The following TRIO variants were observed in gnomAD, a reference collection of about 807,000 sequenced individuals.
TRIO encodes trio Rho guanine nucleotide exchange factor.
In TRIO, 58 loss-of-function variants were observed where a neutral mutation model predicts 351.9. The observed-to-expected ratio is 0.16, with a 90% CI of 0.13 to 0.21. The LOEUF is 0.21. TRIO is among the 10% of genes least tolerant of loss of function. TRIO has a pLI of 1.00. For synonymous variants in TRIO, 1,758 were observed against 1,595.7 expected, an observed-to-expected ratio of 1.10 and a Z score of -2.42; for missense variants, 3,201 against 4,027.8, an observed-to-expected ratio of 0.79 and a Z score of 5.56.
At chr5:14,464,118 A>G (rs1162002167) in intron 36 of TRIO, among the ~76,000 whole-genome samples, 1 of 152,154 alleles carries the variant, frequency 6.6e-6, no homozygotes, top group Non-Finnish European at 1.5e-5. Context: ...AGAGGACCAC[A>G]GCCCCCTACC....
intron 31 of TRIO, among the ~76,000 whole-genome samples, 157 bp from the exon 32 acceptor site, chr5:14,405,691 T>C (rs1002000679): frequency 3.3e-5 from 5 of 152,164 alleles, no homozygotes; most frequent in African/African-American, 1.2e-4. Flanking sequence ...AATAGTCATT[T>C]ATTTGGTAGC....
intron 29 of TRIO, among the ~76,000 whole-genome samples, chr5:14,398,122 G>A (rs1747768656): frequency 6.6e-6 from 1 of 152,178 alleles, no homozygotes; most frequent in African/African-American, 2.4e-5. Flanking sequence ...GGGATGGAGT[G>A]CTTATTTTGA....
chr5:14,189,809 C>T (rs1439331606), intron 1 of TRIO, among the ~76,000 whole-genome samples: 2 of 151,810 alleles, frequency 1.3e-5, no homozygotes, highest in Non-Finnish European at 2.9e-5. Context: ...TAACTTACTG[C>T]AGCCTTTGCA....
intron 53 of TRIO, among the ~76,000 whole-genome samples, chr5:14,500,584 C>A (rs888212270): frequency 6.6e-6 from 1 of 152,024 alleles, no homozygotes; most frequent in Non-Finnish European, 1.5e-5. Flanking sequence ...CAGCCAGGGC[C>A]GAGGCTTCTG....
At chr5:14,475,111 A>G (rs1229274408) in intron 40 of TRIO, among the ~76,000 whole-genome samples, 1 of 152,246 alleles carries the variant, frequency 6.6e-6, no homozygotes, top group Non-Finnish European at 1.5e-5. Context: ...CTTGGCTACC[A>G]GAGCTTGTCA....
At chr5:14,222,709 A>C (rs1234398162) in intron 1 of TRIO, among the ~76,000 whole-genome samples, 1 of 152,218 alleles carries the variant, frequency 6.6e-6, no homozygotes. Flanking sequence ...TAAGAAATAC[A>C]TGTGAAGTTT....
chr5:14,483,909 C>T (rs938087234), intron 46 of TRIO, among the ~76,000 whole-genome samples: 1 of 152,118 alleles, frequency 6.6e-6, no homozygotes, highest in Non-Finnish European at 1.5e-5. Flanking sequence ...GAACTGTGCA[C>T]CCATGCCCTG....
At chr5:14,397,941 G>C (rs1747751007) in intron 29 of TRIO, among the ~76,000 whole-genome samples, 1 of 152,146 alleles carries the variant, frequency 6.6e-6, no homozygotes. Flanking sequence ...TTTCTGGCTG[G>C]CTAGGTCCAG....
At chr5:14,166,123 G>A (rs903504923) in intron 1 of TRIO, among the ~76,000 whole-genome samples, 1 of 152,216 alleles carries the variant, frequency 6.6e-6, no homozygotes, top group South Asian at 2.1e-4. Context: ...TTGTGGGGCA[G>A]GAATTTAGGG....
intron 34 of TRIO, among the ~76,000 whole-genome samples, chr5:14,445,438 G>A (rs1438795105): frequency 2.0e-5 from 3 of 152,160 alleles, no homozygotes; most frequent in Non-Finnish European, 4.4e-5. Context: ...CACTAATCAC[G>A]TTGGACACAT....
chr5:14,170,495 G>A (rs1303491409), intron 1 of TRIO, among the ~76,000 whole-genome samples: 4 of 145,024 alleles, frequency 2.8e-5, no homozygotes, highest in Non-Finnish European at 5.9e-5. Flanking sequence ...CACTAAAAGT[G>A]AAGCTTCTCT....
intron 11 of TRIO, among the ~76,000 whole-genome samples, chr5:14,344,056 C>T (rs917098960): frequency 6.6e-6 from 1 of 152,242 alleles, no homozygotes; most frequent in Non-Finnish European, 1.5e-5. Flanking sequence ...TAGCTGCGCT[C>T]TTTAGTGCAT....
At chr5:14,275,701 A>G (rs1010757687) in intron 2 of TRIO, among the ~76,000 whole-genome samples, 2 of 150,658 alleles carry the variant, frequency 1.3e-5, no homozygotes, top group Non-Finnish European at 3.0e-5. Flanking sequence ...CTCATTTTCT[A>G]TCTTTGCTTG....
intron 37 of TRIO, among the ~76,000 whole-genome samples, chr5:14,471,050 G>A (rs911781156): frequency 1.3e-5 from 2 of 152,184 alleles, no homozygotes; most frequent in African/African-American, 4.8e-5. Context: ...ATTTCTACTT[G>A]TTTGATAACA....
chr5:14,363,515 C>G (rs1422464822), intron 13 of TRIO, among the ~76,000 whole-genome samples: 2 of 152,058 alleles, frequency 1.3e-5, no homozygotes, highest in African/African-American at 2.4e-5. Flanking sequence ...TTGGGAACCC[C>G]TTCATCTGGC....
intron 46 of TRIO, among the ~76,000 whole-genome samples, chr5:14,482,995 A>G (rs1483904894): frequency 2.6e-5 from 4 of 152,198 alleles, no homozygotes; most frequent in Non-Finnish European, 5.9e-5. Flanking sequence ...ACAGCCATTC[A>G]TTCTTACCAT....
chr5:14,379,962 C>T (rs929502484), intron 20 of TRIO, among the ~76,000 whole-genome samples: 1 of 152,310 alleles, frequency 6.6e-6, no homozygotes, highest in Admixed American at 6.5e-5. Flanking sequence ...CTGCTGGCCA[C>T]CCACCCCAGG....
chr5:14,362,566 GTGTT>G (rs1744244394), intron 13 of TRIO, among the ~76,000 whole-genome samples: 1 of 152,194 alleles, frequency 6.6e-6, no homozygotes, highest in Non-Finnish European at 1.5e-5. Context: ...CCCACATTCA[GTGTT>G]TGTTCACTTG....
In TRIO at chr5:14,446,854, C is replaced by G. The variant is rs144198950; in HGVS notation, c.5204-14165C>G. ...ATTGGGGGGAAATAATCTTCTGGTTCCTCATTCTACATAGCTGTAGCTCTT... is the reference window on the plus strand; with the variant it reads ...ATTGGGGGGAAATAATCTTCTGGTTGCTCATTCTACATAGCTGTAGCTCTT... On this transcript the variant is annotated intron_variant, in intron 34 of 56. Transcript: ENST00000344204. Among the ~76,000 whole-genome samples, 875 of 152,236 alleles carry G rather than the reference C, an allele frequency of 5.7e-3. 12 individuals are homozygous for G. Among genetic ancestry groups the G allele is most frequent in the African/African-American group, 0.02 (829 of 41,522 alleles).
Sources: gnomAD v4.1 joint callset for allele counts (sites outside exome capture counted in the v4.1 genomes callset) on GRCh38, gnomAD v4.1.1 for gene constraint, MANE v1.5 for transcripts, NCBI Gene and HGNC (gene_info 2026-07-23, HGNC 2026-07-21) for gene names.